KCNS3: variants seen among roughly 807,000 people sequenced by gnomAD.
The protein encoded by KCNS3 is potassium voltage-gated channel modifier subfamily S member 3.
Under a neutral mutation model 31.0 loss-of-function variants are expected in KCNS3, and 13 were observed. That is an observed-to-expected ratio of 0.42 (90% CI 0.27 to 0.67). The LOEUF is 0.67. Ranked by LOEUF, KCNS3 falls within the 30% of genes least tolerant of loss-of-function variation. KCNS3 has a pLI of 0.25. For missense variants in KCNS3, 545 were observed against 622.4 expected (o/e 0.88, Z 1.32); for synonymous variants, 238 against 241.5 (o/e 0.99, Z 0.13).
intron 1 of KCNS3, among the ~76,000 whole-genome samples, chr2:17,905,491 C>G (rs1306859713): frequency 9.9e-4 from 141 of 142,688 alleles, no homozygotes; most frequent in African/African-American, 2.1e-3. Flanking sequence ...GAATTTCCAA[C>G]ACTATGTTGA....
intron 2 of KCNS3, among the ~76,000 whole-genome samples, chr2:17,928,584 T>G (rs1662887600): frequency 6.6e-6 from 1 of 152,262 alleles, no homozygotes; most frequent in African/African-American, 2.4e-5. Flanking sequence ...TTTCGTTGAT[T>G]GTTTTAAATG....
At chr2:17,913,091 C>T (rs1422022461) in intron 1 of KCNS3, among the ~76,000 whole-genome samples, 4 of 151,600 alleles carry the variant, frequency 2.6e-5, no homozygotes, top group Non-Finnish European at 5.9e-5. Flanking sequence ...TTCTAGCACA[C>T]TAAATCCAAT....
chr2:17,880,663 T>C (rs1354926425), intron 1 of KCNS3, among the ~76,000 whole-genome samples: 1 of 152,216 alleles, frequency 6.6e-6, no homozygotes. Context: ...GCTGGTCAAG[T>C]GTATGAGGGC....
intron 1 of KCNS3, among the ~76,000 whole-genome samples, chr2:17,905,245 G>T (rs936067434): frequency 9.9e-5 from 15 of 152,280 alleles, no homozygotes; most frequent in Admixed American, 4.6e-4. Context: ...CTTCACTCAT[G>T]ATTTGGCTCT....
rs1208963256 is a variant in KCNS3 at position 17,921,913 on chromosome 2, GTGTATATATATATATATATATATATATA to G, written c.-60+4044_-60+4071del. Reference sequence around the variant, plus strand: ...GATTTTCATATATATGTGTGTGTGTGTGTATATATATATATATATATATATATATATATATATATATATATAAATACAT... The same window carrying G: ...GATTTTCATATATATGTGTGTGTGTGTATATATATATATATATAAATACAT... On this transcript the variant is annotated intron_variant, in intron 2 of 2. Transcript: ENST00000304101. Among the ~76,000 whole-genome samples the G allele has an allele frequency of 5.0e-4, 17 of 34,118 alleles. No homozygotes were observed. In the East Asian group the frequency reaches 0.021, roughly 42 times the overall value. 22.4% of individuals were successfully genotyped at this position (34,118 alleles called of 152,430 possible).
chr2:17,879,482 T>C (rs1287562122), intron 1 of KCNS3: 1 of 151,798 alleles, frequency 6.6e-6, no homozygotes. Flanking sequence ...ACTTGCGGAC[T>C]CTGCGTTTGG....
intron 1 of KCNS3, among the ~76,000 whole-genome samples, chr2:17,887,214 C>T (rs1393120853): frequency 1.3e-5 from 2 of 151,938 alleles, no homozygotes; most frequent in African/African-American, 2.4e-5. Flanking sequence ...GTGCACATAT[C>T]ACCTGAACAG....
intron 1 of KCNS3, among the ~76,000 whole-genome samples, chr2:17,881,646 C>T (rs907093963): frequency 3.3e-5 from 5 of 152,182 alleles, no homozygotes; most frequent in Non-Finnish European, 7.3e-5. Context: ...GTCACCCAGC[C>T]CGGAAAAGGT....
chr2:17,911,269 G>A (rs1177140693), intron 1 of KCNS3, among the ~76,000 whole-genome samples: 1 of 152,262 alleles, frequency 6.6e-6, no homozygotes, highest in East Asian at 1.9e-4. Flanking sequence ...TTGAGGGCAA[G>A]ATCCATGTTA....
intron 1 of KCNS3, among the ~76,000 whole-genome samples, chr2:17,879,624 G>A (rs1674593414): frequency 6.6e-6 from 1 of 152,188 alleles, no homozygotes. Flanking sequence ...GCCGGCAGGG[G>A]CCGCGGCGAG....
chr2:17,888,851 C>T (rs1661769639), intron 1 of KCNS3, among the ~76,000 whole-genome samples: 3 of 151,460 alleles, frequency 2.0e-5, no homozygotes, highest in Non-Finnish European at 4.4e-5. Flanking sequence ...AGTTTGAAAT[C>T]AGGTAGTGTG....
Position 17,932,684 on chromosome 2 carries a change from A to T in KCNS3, c.*200A>T, listed in dbSNP as rs1244109135. 1.8e-6 allele frequency: 1 copy of T among 557,722 alleles called. No homozygotes were observed. The highest frequency in any genetic ancestry group is 3.1e-6 in the Non-Finnish European group (1 of 319,950). 34.5% of individuals were successfully genotyped at this position (557,722 alleles called of 1,614,324 possible). On this transcript the variant is annotated 3_prime_UTR_variant, in exon 3 of 3. Coordinates refer to ENST00000304101, the MANE Select transcript of KCNS3 (RefSeq NM_002252.5). ...GAGGTCAATTAAATGCCTTGTTCTGAAATTTATTTTTTACAAGAGAGAGTT... is the reference window on the plus strand; with the variant it reads ...GAGGTCAATTAAATGCCTTGTTCTGTAATTTATTTTTTACAAGAGAGAGTT...
rs35102585 is a variant in KCNS3, at chr2:17,888,629, G to GTATATCTATATCTATCTATA, written c.-252+9828_-252+9829insCTATATCTATCTATATATAT. Among the ~76,000 whole-genome samples, 3 of 92,366 alleles carry GTATATCTATATCTATCTATA rather than the reference G, an allele frequency of 3.2e-5. No homozygotes were observed. The East Asian group carries it at 1.6e-3, about 50-fold the overall frequency. 60.6% of individuals were successfully genotyped at this position (92,366 alleles called of 152,430 possible). On this transcript the variant is annotated intron_variant, in intron 1 of 2. Transcript: ENST00000304101. ...GAACTTAAAGTATAATAAAAAAAAT[G>GTATATCTATATCTATCTATA]TATATATATATATATATATATATAT...
chr2:17,904,176 T>A (rs1419736108), intron 1 of KCNS3, among the ~76,000 whole-genome samples: 1 of 152,242 alleles, frequency 6.6e-6, no homozygotes, highest in Non-Finnish European at 1.5e-5. Flanking sequence ...TGGTATCTCA[T>A]TGTGGTTTTG....
intron 1 of KCNS3, among the ~76,000 whole-genome samples, chr2:17,899,276 A>G (rs1490312041): frequency 2.6e-5 from 4 of 152,162 alleles, no homozygotes; most frequent in African/African-American, 9.7e-5. Context: ...AATAGTAAAT[A>G]TTGATATAGC....
intron 1 of KCNS3, among the ~76,000 whole-genome samples, chr2:17,902,021 A>G (rs1361450938): frequency 6.6e-6 from 1 of 152,126 alleles, no homozygotes; most frequent in Non-Finnish European, 1.5e-5. Flanking sequence ...TTGTGACCCC[A>G]GATTTAAGAT....
At chr2:17,910,561 T>G (rs1451311307) in intron 1 of KCNS3, among the ~76,000 whole-genome samples, 1 of 152,054 alleles carries the variant, frequency 6.6e-6, no homozygotes, top group East Asian at 1.9e-4. Context: ...TTGGCACTAC[T>G]GGAATTCACT....
intron 2 of KCNS3, 129 bp from the exon 3 acceptor site, chr2:17,930,821 G>A: frequency 1.7e-6 from 1 of 580,750 alleles, no homozygotes; most frequent in Non-Finnish European, 3.0e-6. Context: ...GCATAATAAT[G>A]TATTCATTTT....
chr2:17,915,715 G>T (rs558656759), intron 1 of KCNS3, among the ~76,000 whole-genome samples: 1 of 152,332 alleles, frequency 6.6e-6, no homozygotes, highest in South Asian at 2.1e-4. Flanking sequence ...CTCAGAAGAT[G>T]CTAGTTATAA....
Sources: allele counts gnomAD v4.1 joint callset (sites outside exome capture counted in the v4.1 genomes callset), GRCh38; gene constraint gnomAD v4.1.1; transcripts MANE v1.5; gene names NCBI Gene and HGNC (gene_info 2026-07-23, HGNC 2026-07-21).